The following PLEKHM1 variants were observed in gnomAD, a reference collection of about 807,000 sequenced individuals.
PLEKHM1 encodes the protein pleckstrin homology and RUN domain containing M1.
In PLEKHM1, 28 loss-of-function variants were observed where a neutral mutation model predicts 94.3. That is an observed-to-expected ratio of 0.30 (90% CI 0.22 to 0.41). PLEKHM1 has a LOEUF of 0.41. Among genes scored for constraint, PLEKHM1 ranks in the 10% least tolerant of loss-of-function variants. PLEKHM1 has a pLI of 1.00. For synonymous variants in PLEKHM1, 424 were observed against 581.2 expected (o/e 0.73, Z 3.89); for missense variants, 907 against 1,358.6 (o/e 0.67, Z 5.22).
chr17:45,472,752 G>A (rs1358670648), intron 4 of PLEKHM1, among the ~76,000 whole-genome samples: 1 of 152,204 alleles, frequency 6.6e-6, no homozygotes, highest in African/African-American at 2.4e-5. Flanking sequence ...CAATGTGCCT[G>A]ACCTTCCTGG....
Position 45,488,939 on chromosome 17 carries a change from A to C in PLEKHM1, c.-42+1713T>G, listed in dbSNP as rs9895360. Among the ~76,000 whole-genome samples, 64 of 152,296 alleles carry C rather than the reference A, an allele frequency of 4.2e-4. 1 individual carries two copies. Among genetic ancestry groups the C allele is most frequent in the African/African-American group, 1.5e-3 (61 of 41,562 alleles). On this transcript the variant is annotated intron_variant, in intron 1 of 11. Transcript: ENST00000430334. Reference sequence around the variant, plus strand: ...GGGGAACAAGAGTAAACTCCGTCGAAAAAAAGAAAGAAAGAAAGAAAAAAG... The same window carrying C: ...GGGGAACAAGAGTAAACTCCGTCGACAAAAAGAAAGAAAGAAAGAAAAAAG...
Position 45,468,357 on chromosome 17 carries a change from T to C in PLEKHM1, c.1160A>G (p.Gln387Arg), listed in dbSNP as rs1376353914. The C allele has an allele frequency of 6.2e-7, 1 of 1,614,130 alleles. No individual in the cohort carries two copies. The highest frequency in any genetic ancestry group is 1.7e-5 in the Admixed American group (1 of 60,020). The change falls in exon 5 of 12, where the codon CAG (glutamine) becomes CGG (arginine). Residue 387 changes from glutamine to arginine, a missense_variant. Gln to Arg is a conservative substitution (Grantham distance 43). Transcript: ENST00000430334. ...RPQAPSPLDL[Q>R]QPVESTSGQQ... The stretch of plus-strand genomic sequence containing the variant: ...GCCTGAGGTGCTCTCTACAGGCTGC[T>C]GTAAGTCCAGGGGGCTGGGCGCCTG...
chr17:45,462,559 C>T (rs988709362), intron 5 of PLEKHM1, among the ~76,000 whole-genome samples: 1 of 152,080 alleles, frequency 6.6e-6, no homozygotes, highest in Non-Finnish European at 1.5e-5. Context: ...CCTTCCCACC[C>T]CCTAGCTGGG....
chr17:45,473,819 A>G (rs2051605363), intron 4 of PLEKHM1, among the ~76,000 whole-genome samples: 1 of 152,066 alleles, frequency 6.6e-6, no homozygotes, highest in South Asian at 2.1e-4. Context: ...CGGCCTCCCA[A>G]AGTGCTGGGA....
intron 8 of PLEKHM1, chr17:45,448,160 T>C (rs2050669170): frequency 6.6e-6 from 1 of 152,260 alleles, no homozygotes; most frequent in Non-Finnish European, 1.5e-5. Context: ...AATAAGGAGA[T>C]GGCTCAACGG....
intron 4 of PLEKHM1, among the ~76,000 whole-genome samples, chr17:45,473,916 G>A (rs1271585645): frequency 6.6e-6 from 1 of 151,994 alleles, no homozygotes; most frequent in East Asian, 1.9e-4. Flanking sequence ...AGAATATACA[G>A]GAAATTATTA....
At chr17:45,473,155 G>C (rs757058) in intron 4 of PLEKHM1, among the ~76,000 whole-genome samples, 90,394 of 151,664 alleles carry the variant, frequency 0.6, 27,289 homozygotes, top group African/African-American at 0.71. Flanking sequence ...GGAGTTTATG[G>C]AACAGAGATA....
At chr17:45,481,887 C>T (rs1226842500) in intron 2 of PLEKHM1, among the ~76,000 whole-genome samples, 1 of 152,058 alleles carries the variant, frequency 6.6e-6, no homozygotes, top group Non-Finnish European at 1.5e-5. Context: ...AGGGACCAGC[C>T]CCAAAGCTAC....
chr17:45,434,952 G>A (rs56168933), downstream of PLEKHM1, among the ~76,000 whole-genome samples: 17,815 of 137,048 alleles, frequency 0.13, 1,491 homozygotes, highest in Middle Eastern at 0.22. Flanking sequence ...CTGGGCATTG[G>A]AGTGAGACTG....
At position 45,445,877 on chromosome 17, in the gene PLEKHM1, A is replaced by G. The variant is rs1480204151; in HGVS notation, c.2644-214T>C. ...TCTGAACCCAGTTTATCTGACTCCC[A>G]AACCCGCTCTCCCTCTAATGACAAG... On this transcript the variant is annotated intron_variant, in intron 8 of 11. Transcript: ENST00000430334. The surrounding 1 kb of genome is among the most constrained non-coding windows in gnomAD (Gnocchi z 4.2). Among the ~76,000 whole-genome samples the G allele has an allele frequency of 6.6e-6, 1 of 152,072 alleles. No individual in the cohort carries two copies. Among genetic ancestry groups the G allele is most frequent in the Non-Finnish European group, 1.5e-5 (1 of 68,006 alleles).
chr17:45,479,578 T>C (rs1204263762), intron 2 of PLEKHM1, among the ~76,000 whole-genome samples: 1 of 148,374 alleles, frequency 6.7e-6, no homozygotes, highest in Non-Finnish European at 1.5e-5. Flanking sequence ...CCCAGCTACT[T>C]AGGAGGCTGA....
chr17:45,467,336 T>G (rs1208844877), intron 5 of PLEKHM1, among the ~76,000 whole-genome samples: 2 of 152,254 alleles, frequency 1.3e-5, no homozygotes, highest in Non-Finnish European at 2.9e-5. Flanking sequence ...AGCGCTTATT[T>G]CACATGGCAC....
At chr17:45,477,271 T>C (rs1489075559) in intron 3 of PLEKHM1, 1 of 164,524 alleles carries the variant, frequency 6.1e-6, no homozygotes, top group Non-Finnish European at 1.3e-5. Flanking sequence ...CCCTCTCTAC[T>C]AAAAATACAA....
Position 45,436,044 on chromosome 17 carries a change from T to C in PLEKHM1, c.*1814A>G, listed in dbSNP as rs1282362803. On this transcript the variant is annotated 3_prime_UTR_variant, in exon 12 of 12. Transcript: ENST00000430334. ...GCATAAAATAACATTTTAAAAATAG[T>C]GTGGGCACTACCTTTCTGAGGGAGG... is the stretch of plus-strand genomic sequence containing the variant. The C allele has an allele frequency of 8.8e-6, 4 of 456,516 alleles. No homozygotes were observed. Among genetic ancestry groups the C allele is most frequent in the African/African-American group, 4.0e-5 (2 of 50,094 alleles). 28.3% of individuals were successfully genotyped at this position (456,516 alleles called of 1,614,324 possible). A position where few individuals can be genotyped will look rare whatever the true frequency, so the allele number is the denominator to read the frequency against.
At chr17:45,483,988 C>G (rs2868653) in intron 1 of PLEKHM1, among the ~76,000 whole-genome samples, 2 of 152,234 alleles carry the variant, frequency 1.3e-5, no homozygotes, top group Admixed American at 6.5e-5. Context: ...GGCCATGACA[C>G]GAAGTGGGGC....
intron 11 of PLEKHM1, among the ~76,000 whole-genome samples, chr17:45,438,610 G>A (rs2050344670): frequency 1.3e-5 from 2 of 151,984 alleles, no homozygotes; most frequent in Admixed American, 6.6e-5. Context: ...AGGCTGGAGT[G>A]CAGTGGCACG....
rs1329804691 is a variant in PLEKHM1 at position 45,439,547 on chromosome 17, G to A, written c.2989C>T (p.Arg997Cys). The part of the protein sequence containing the change: ...HVYHCDLCTQ[R>C]GFICQICQHH... ...TGGCAGATCTGGCAGATGAAGCCGC[G>A]CTGGGTGCACAGGTCGCAGTGGTAG... Residue 997 changes from arginine to cysteine, a missense_variant, in exon 11 of 12, where the codon CGC becomes TGC. Arg to Cys is a radical substitution (Grantham distance 180). This residue lies in a region of PLEKHM1 where 254 missense variants were observed against 451.1 expected (regional missense o/e 0.56). Coordinates refer to ENST00000430334, the MANE Select transcript of PLEKHM1 (RefSeq NM_014798.3). The A allele has an allele frequency of 2.5e-6, 4 of 1,614,106 alleles. No homozygotes were observed. The African/African-American group carries it at 4.0e-5, about 16-fold the overall frequency.
chr17:45,485,430 C>T (rs1356032289), intron 1 of PLEKHM1, among the ~76,000 whole-genome samples: 8 of 152,106 alleles, frequency 5.3e-5, no homozygotes, highest in Non-Finnish European at 2.9e-5. Flanking sequence ...CTTCCCTTAA[C>T]CAGCTACAGG....
intron 11 of PLEKHM1, 87 bp downstream of exon 11, chr17:45,439,390 G>A (rs1412377721): frequency 2.1e-6 from 3 of 1,460,278 alleles, no homozygotes; most frequent in African/African-American, 1.4e-5. Flanking sequence ...CCCACAGAGC[G>A]AAGCCTGCTG....
Sources: gnomAD v4.1 joint callset for allele counts (sites outside exome capture counted in the v4.1 genomes callset) on GRCh38, gnomAD v4.1.1 for gene constraint, gnomAD v4.1.1 regional missense constraint, Gnocchi (gnomAD v3.1) non-coding constraint, MANE v1.5 for transcripts, NCBI Gene and HGNC (gene_info 2026-07-23, HGNC 2026-07-21) for gene names.